The following PPARGC1A variants were observed in gnomAD, a reference collection of about 807,000 sequenced individuals.
PPARGC1A encodes the protein peroxisome proliferator-activated receptor gamma coactivator 1-alpha.
In PPARGC1A, 25 loss-of-function variants were observed where a neutral mutation model predicts 88.7. The observed-to-expected ratio is 0.28, with a 90% CI of 0.21 to 0.39. The LOEUF (loss-of-function observed/expected upper bound fraction) is 0.39. Among genes scored for constraint, PPARGC1A ranks in the 10% least tolerant of loss-of-function variants. The pLI is 1.00. For missense variants in PPARGC1A, 880 were observed against 968.7 expected, an observed-to-expected ratio of 0.91 and a Z score of 1.22; for synonymous variants, 363 against 355.6, an observed-to-expected ratio of 1.02 and a Z score of -0.24.
chr4:24,018,292 GTTTTCTT>G, the PPARGC1A span, among the ~76,000 whole-genome samples: 2 of 152,070 alleles, frequency 1.3e-5, no homozygotes, highest in Non-Finnish European at 2.9e-5. Context: ...AACAGGTACA[GTTTTCTT>G]TTTTCTTTTT....
the PPARGC1A span, among the ~76,000 whole-genome samples, chr4:24,026,306 AT>A: frequency 6.6e-6 from 1 of 151,972 alleles, no homozygotes; most frequent in Non-Finnish European, 1.5e-5. Context: ...GATTCCTGCC[AT>A]AGACCCTCTC....
the PPARGC1A span, among the ~76,000 whole-genome samples, chr4:24,047,103 C>T: frequency 1.6e-4 from 25 of 152,294 alleles, 1 homozygote; most frequent in African/African-American, 5.5e-4. Context: ...ATTCATTATC[C>T]CTTTCCATCT....
At chr4:24,273,834 G>A in the PPARGC1A span, among the ~76,000 whole-genome samples, 18 of 148,734 alleles carry the variant, frequency 1.2e-4, no homozygotes, top group South Asian at 3.9e-3. Context: ...AGGTTGAAGC[G>A]ATTCTCCTGC....
At chr4:23,975,737 T>C in the PPARGC1A span, among the ~76,000 whole-genome samples, 9 of 152,326 alleles carry the variant, frequency 5.9e-5, no homozygotes, top group South Asian at 1.9e-3. Context: ...TATTCATTCT[T>C]AAGAGCATAA....
the PPARGC1A span, among the ~76,000 whole-genome samples, chr4:24,463,782 T>TG: frequency 1.3e-5 from 2 of 151,928 alleles, no homozygotes; most frequent in African/African-American, 2.4e-5. Flanking sequence ...GCAATGGGAG[T>TG]GGGAAAAAAA....
At chr4:24,075,005 C>A in the PPARGC1A span, among the ~76,000 whole-genome samples, 2 of 152,108 alleles carry the variant, frequency 1.3e-5, no homozygotes, top group Non-Finnish European at 2.9e-5. Context: ...GCATCTCCAG[C>A]CCTCCCTTCA....
chr4:24,367,777 G>C, the PPARGC1A span, among the ~76,000 whole-genome samples: 1 of 152,030 alleles, frequency 6.6e-6, no homozygotes, highest in East Asian at 1.9e-4. Context: ...ATAATAATAA[G>C]GCAAACCTGC....
the PPARGC1A span, among the ~76,000 whole-genome samples, chr4:24,266,101 G>A: frequency 8.5e-5 from 13 of 152,288 alleles, no homozygotes; most frequent in East Asian, 7.7e-4. Flanking sequence ...AGAACAGAAC[G>A]TAACGAGAGA....
At chr4:24,135,193 A>C in the PPARGC1A span, among the ~76,000 whole-genome samples, 1 of 152,132 alleles carries the variant, frequency 6.6e-6, no homozygotes, top group Non-Finnish European at 1.5e-5. Flanking sequence ...TCCTATGTGC[A>C]ATTTGGCACC....
the PPARGC1A span, among the ~76,000 whole-genome samples, chr4:23,937,332 C>A: frequency 6.6e-6 from 1 of 152,022 alleles, no homozygotes; most frequent in Non-Finnish European, 1.5e-5. Context: ...TGTGCAGATG[C>A]ATTCCAAAAT....
At chr4:24,463,078 T>C in the PPARGC1A span, among the ~76,000 whole-genome samples, 2 of 152,162 alleles carry the variant, frequency 1.3e-5, no homozygotes, top group Admixed American at 1.3e-4. Context: ...CGAAGCATCT[T>C]TTTTAGCATC....
chr4:24,140,462 T>A, the PPARGC1A span, among the ~76,000 whole-genome samples: 1 of 152,122 alleles, frequency 6.6e-6, no homozygotes, highest in African/African-American at 2.4e-5. Context: ...CAATGCTACA[T>A]TGAAAACTTT....
At chr4:24,264,406 G>A in the PPARGC1A span, among the ~76,000 whole-genome samples, 1 of 152,150 alleles carries the variant, frequency 6.6e-6, no homozygotes, top group Admixed American at 6.5e-5. Flanking sequence ...ACCAGTGAAT[G>A]CCACCAAGGG....
In PPARGC1A at chr4:23,828,534, G is replaced by A. The variant is rs754806539; in HGVS notation, c.623C>T (p.Ser208Leu). ...TGTGGTCAGATATTTGAGAAGCTCC[G>A]AGCAGGGACGTCTTTGTGGCTTTTG... The part of the protein sequence containing the change: ...QQQKPQRRPC[S>L]ELLKYLTTND... Residue 208 changes from serine to leucine, a missense_variant, in exon 5 of 13, where the codon TCG (serine) becomes TTG (leucine). Ser to Leu is a moderately radical substitution (Grantham distance 145). Coordinates refer to ENST00000264867, the MANE Select transcript of PPARGC1A (RefSeq NM_013261.5). 5.6e-6 allele frequency: 9 copies of A among 1,614,054 alleles called. No homozygotes were observed. The highest frequency in any genetic ancestry group is 1.6e-4 in the Middle Eastern group (1 of 6,062).
At chr4:23,953,523 T>C in the PPARGC1A span, among the ~76,000 whole-genome samples, 1 of 152,126 alleles carries the variant, frequency 6.6e-6, no homozygotes, top group Non-Finnish European at 1.5e-5. Context: ...CAGCTTTTTG[T>C]CTTTACTGTA....
the PPARGC1A span, among the ~76,000 whole-genome samples, chr4:24,175,435 C>T: frequency 2.9e-5 from 4 of 139,326 alleles, no homozygotes; most frequent in South Asian, 4.8e-4. Flanking sequence ...AGCGTAGTGG[C>T]GCAATCTCAG....
chr4:23,863,011 A>T, intron 2 of PPARGC1A, among the ~76,000 whole-genome samples: 1 of 151,948 alleles, frequency 6.6e-6, no homozygotes, highest in East Asian at 1.9e-4. Context: ...TCCTCTTCTC[A>T]TTCTCTCATT....
At chr4:24,412,054 T>C in the PPARGC1A span, among the ~76,000 whole-genome samples, 1 of 152,212 alleles carries the variant, frequency 6.6e-6, no homozygotes, top group East Asian at 1.9e-4. Flanking sequence ...CTGGATCATA[T>C]GTTAAGAGTA....
upstream of PPARGC1A, chr4:23,890,216 TTAA>T: frequency 8.2e-5 from 29 of 353,726 alleles, no homozygotes; most frequent in African/African-American, 2.8e-4. Flanking sequence ...AAGTAACGCT[TTAA>T]AAAAAAAAAA....
Sources: gnomAD v4.1 joint callset for allele counts (sites outside exome capture counted in the v4.1 genomes callset) on GRCh38, gnomAD v4.1.1 for gene constraint, MANE v1.5 for transcripts, NCBI Gene and HGNC (gene_info 2026-07-23, HGNC 2026-07-21) for gene names.